Variants in ATP9B observed in about 807,000 individuals in gnomAD.
The protein encoded by ATP9B is ATPase phospholipid transporting 9B.
A neutral mutation model predicts 146.1 loss-of-function variants in ATP9B; 110 were observed. The ratio of observed to expected loss-of-function variants is 0.75; its 90% CI spans 0.65 to 0.88. The LOEUF is 0.88. Ranked by LOEUF, ATP9B falls within the 40% of genes least tolerant of loss-of-function variation. The pLI is 0.00. For missense variants in ATP9B, 1,499 were observed against 1,496.4 expected (o/e 1.00, Z -0.03); for synonymous variants, 604 against 569.7 (o/e 1.06, Z -0.86).
At chr18:79,082,219 C>T (rs2073343337) in intron 1 of ATP9B, among the ~76,000 whole-genome samples, 1 of 152,164 alleles carries the variant, frequency 6.6e-6, no homozygotes, top group Non-Finnish European at 1.5e-5. Context: ...GTGTATGCTT[C>T]ATGAAGTTCT....
chr18:79,298,234 A>C lies in ATP9B; in HGVS notation c.1412-5370A>C, dbSNP rs1048729809. Among the ~76,000 whole-genome samples, 51 of 147,036 alleles carry C rather than the reference A, an allele frequency of 3.5e-4. 2 individuals are homozygous for C. Among genetic ancestry groups the C allele is most frequent in the African/African-American group, 1.1e-3 (46 of 40,120 alleles). On this transcript the variant is annotated intron_variant, in intron 13 of 29. Transcript: ENST00000426216. The stretch of plus-strand genomic sequence containing the variant: ...ACCTAGAAAATCCAAGGAATGTACA[A>C]AAAATTCTGTGAGCCAGTGAGTTCA...
In ATP9B at chr18:79,345,836, A is replaced by G. The variant is rs1033480839; in HGVS notation, c.2679A>G (p.Gly893=). Residue 893 remains glycine, a synonymous_variant, in exon 23 of 30, where the codon GGA becomes GGG. Transcript: ENST00000426216. ...QAADCGIGIE[G]KEGKQASLAA... ...CAGACTGTGGGATTGGGATTGAGGG[A>G]AAGGTAGGTTCGCCCTTTTATCAAC... The G allele has an allele frequency of 2.5e-6, 4 of 1,614,070 alleles. No homozygotes were observed. Among genetic ancestry groups the G allele is most frequent in the African/African-American group, 1.3e-5 (1 of 74,932 alleles).
At chr18:79,300,258 T>G (rs2096581803) in intron 13 of ATP9B, among the ~76,000 whole-genome samples, 1 of 151,978 alleles carries the variant, frequency 6.6e-6, no homozygotes, top group Non-Finnish European at 1.5e-5. Context: ...GAGGAAAGGT[T>G]GGTGGTGGTG....
intron 11 of ATP9B, among the ~76,000 whole-genome samples, chr18:79,216,028 A>T (rs1313087354): frequency 6.6e-6 from 1 of 152,090 alleles, no homozygotes; most frequent in Non-Finnish European, 1.5e-5. Context: ...CAGTTCTAGG[A>T]TTTTTTTCCT....
chr18:79,242,236 C>T (rs2095896460), intron 11 of ATP9B, among the ~76,000 whole-genome samples: 1 of 152,172 alleles, frequency 6.6e-6, no homozygotes, highest in Admixed American at 6.5e-5. Context: ...TTACGGAAGA[C>T]TTCTTTAATC....
chr18:79,366,251 C>T (rs1030270338), intron 26 of ATP9B, among the ~76,000 whole-genome samples: 1 of 152,168 alleles, frequency 6.6e-6, no homozygotes, highest in Admixed American at 6.5e-5. Flanking sequence ...GCGGTGGTGG[C>T]GGACACCTGA....
chr18:79,231,803 T>TATATATATATACATACACAC (rs569726473), intron 11 of ATP9B, among the ~76,000 whole-genome samples: 1 of 114,760 alleles, frequency 8.7e-6, no homozygotes, highest in African/African-American at 3.4e-5. Context: ...TATATATATA[T>TATATATATATACATACACAC]ACACACACAC....
intron 1 of ATP9B, among the ~76,000 whole-genome samples, chr18:79,083,727 C>A (rs570900675): frequency 9.2e-5 from 14 of 152,154 alleles, no homozygotes; most frequent in Non-Finnish European, 1.8e-4. Context: ...GCTTGCCCTC[C>A]TTGGGCTGCA....
intron 1 of ATP9B, among the ~76,000 whole-genome samples, chr18:79,092,437 AAATTTAC>A (rs1568155890): frequency 6.6e-6 from 1 of 152,202 alleles, no homozygotes. Flanking sequence ...TACAGGACAC[AAATTTAC>A]AGTGTGTAAA....
At chr18:79,167,078 C>T (rs1022487810) in intron 7 of ATP9B, among the ~76,000 whole-genome samples, 3 of 152,118 alleles carry the variant, frequency 2.0e-5, no homozygotes, top group Non-Finnish European at 4.4e-5. Context: ...CGCTAGGAAC[C>T]GCAGATCCCC....
intron 6 of ATP9B, among the ~76,000 whole-genome samples, chr18:79,154,251 G>A (rs1428699168): frequency 2.6e-5 from 4 of 151,998 alleles, no homozygotes; most frequent in Non-Finnish European, 2.9e-5. Flanking sequence ...GTGAGCCACC[G>A]GACATGAAGC....
At position 79,347,923 on chromosome 18, in the gene ATP9B, C is replaced by T. The variant is rs2096899294; in HGVS notation, c.2836C>T (p.Gln946Ter). ...MHRGLIISTM[Q>*]AVFSSVFYFA... is the part of the protein sequence containing the mutation. ...CAGGGGCCTTATCATCTCCACCATG[C>T]AGGTACTAAGCCTTCTGTGCTGGCA... is the stretch of plus-strand genomic sequence containing the variant. The change falls in exon 24 of 30, where the codon CAG (glutamine) becomes TAG (stop). Residue 946 changes from glutamine to a stop codon, truncating the protein, a stop_gained and splice_region_variant. Transcript: ENST00000426216. LOFTEE classifies it high-confidence loss of function. 6.2e-7 allele frequency: 1 copy of T among 1,611,010 alleles called. No individual in the cohort carries two copies. The highest frequency in any genetic ancestry group is 8.5e-7 in the Non-Finnish European group (1 of 1,179,450).
rs11874077 is a variant in ATP9B at position 79,310,875 on chromosome 18, G to T, written c.1773+3641G>T. Among the ~76,000 whole-genome samples the T allele has an allele frequency of 3.4e-3, 490 of 145,222 alleles. 4 individuals carry two copies. Among genetic ancestry groups the T allele is most frequent in the African/African-American group, 0.012 (469 of 39,024 alleles). On this transcript the variant is annotated intron_variant, in intron 15 of 29. Transcript: ENST00000426216. ...TACAGAAATGCTGGGCTGGGGCCAG[G>T]CATGGTGGGTCATGCCTGTCATCCC...
intron 26 of ATP9B, chr18:79,372,500 A>G (rs974738749): frequency 3.4e-5 from 17 of 495,086 alleles, no homozygotes; most frequent in South Asian, 2.8e-4. Flanking sequence ...TATTGCCAAG[A>G]GCCTTTCCCC....
chr18:79,351,094 A>G (rs1018669948), intron 25 of ATP9B, among the ~76,000 whole-genome samples: 31 of 152,170 alleles, frequency 2.0e-4, no homozygotes, highest in African/African-American at 6.5e-4. Context: ...ATAGTACAGA[A>G]TTTGCACAGT....
chr18:79,230,235 G>T (rs1045090350), intron 11 of ATP9B, among the ~76,000 whole-genome samples: 5 of 152,186 alleles, frequency 3.3e-5, no homozygotes, highest in Non-Finnish European at 7.4e-5. Flanking sequence ...ACAAGAGAAA[G>T]AAATAAAGCA....
intron 4 of ATP9B, among the ~76,000 whole-genome samples, chr18:79,125,231 C>T (rs188687546): frequency 1.1e-4 from 16 of 151,950 alleles, no homozygotes; most frequent in Admixed American, 7.9e-4. Flanking sequence ...GAGGGAGGCT[C>T]ATGATTAGGG....
intron 11 of ATP9B, among the ~76,000 whole-genome samples, chr18:79,223,544 G>A (rs941558679): frequency 1.3e-5 from 2 of 151,914 alleles, no homozygotes; most frequent in African/African-American, 4.8e-5. Context: ...TGCTTTTTTT[G>A]GGATAACTGT....
chr18:79,283,606 C>T (rs2096402467), intron 13 of ATP9B, among the ~76,000 whole-genome samples: 2 of 152,126 alleles, frequency 1.3e-5, no homozygotes, highest in South Asian at 2.1e-4. Flanking sequence ...TGCACATTTC[C>T]GGTAAGATCT....
Sources: allele counts gnomAD v4.1 joint callset (sites outside exome capture counted in the v4.1 genomes callset), GRCh38; gene constraint gnomAD v4.1.1; transcripts MANE v1.5; gene names NCBI Gene and HGNC (gene_info 2026-07-23, HGNC 2026-07-21).